The following NPEPPS variants were observed in gnomAD, a reference collection of about 807,000 sequenced individuals.
The protein encoded by NPEPPS is aminopeptidase puromycin sensitive.
A neutral mutation model predicts 115.5 loss-of-function variants in NPEPPS; 14 were observed. The observed-to-expected ratio is 0.12, with a 90% CI of 0.08 to 0.19. NPEPPS has a LOEUF of 0.19. Among genes scored for constraint, NPEPPS ranks in the 10% least tolerant of loss-of-function variants. The probability of loss-of-function intolerance (pLI) is 1.00; values close to 1 mark genes in which losing one functional copy is unlikely to be tolerated. For synonymous variants in NPEPPS, 285 were observed against 390.6 expected (o/e 0.73, Z 3.19); for missense variants, 523 against 1,110.8 (o/e 0.47, Z 7.52).
At chr17:47,550,096 A>G (rs549994326) in intron 2 of NPEPPS, among the ~76,000 whole-genome samples, 1 of 151,318 alleles carries the variant, frequency 6.6e-6, no homozygotes, top group East Asian at 2.0e-4. Flanking sequence ...TGCCACGCCC[A>G]GCTAATTTTT....
chr17:47,544,365 A>G (rs1909028609), intron 1 of NPEPPS, among the ~76,000 whole-genome samples: 1 of 152,114 alleles, frequency 6.6e-6, no homozygotes, highest in Admixed American at 6.6e-5. Flanking sequence ...AAGTTTTGAC[A>G]TAATTTATAG....
intron 3 of NPEPPS, among the ~76,000 whole-genome samples, chr17:47,572,866 C>T (rs1195541268): frequency 2.0e-5 from 3 of 152,148 alleles, no homozygotes; most frequent in Non-Finnish European, 2.9e-5. Flanking sequence ...GCCTCCACCT[C>T]GTGGGTTCCA....
At position 47,622,133 on chromosome 17, in the gene NPEPPS, A is replaced by G; in HGVS notation, c.*213A>G. The G allele has an allele frequency of 8.0e-7, 1 of 1,253,692 alleles. No individual in the cohort carries two copies. Among genetic ancestry groups the G allele is most frequent in the Non-Finnish European group, 1.0e-6 (1 of 989,400 alleles). 77.7% of individuals were successfully genotyped at this position (1,253,692 alleles called of 1,614,324 possible). On this transcript the variant is annotated 3_prime_UTR_variant, in exon 23 of 23. Transcript: ENST00000322157. ...GCAATTCAGCAAAAAATAAATAAAA[A>G]ATAAAAATGTAAATATGATAGTAAT...
At chr17:47,620,980 C>G (rs1169177211) in intron 22 of NPEPPS, among the ~76,000 whole-genome samples, 2 of 151,894 alleles carry the variant, frequency 1.3e-5, no homozygotes, top group Non-Finnish European at 1.5e-5. Flanking sequence ...TTCAAGAGTT[C>G]AAGACCAGTC....
intron 9 of NPEPPS, among the ~76,000 whole-genome samples, chr17:47,590,470 A>AG (rs1912434747): frequency 1.3e-5 from 2 of 148,918 alleles, no homozygotes; most frequent in South Asian, 4.3e-4. Flanking sequence ...AAAAAAAAAA[A>AG]GAAAAGAAAG....
intron 2 of NPEPPS, among the ~76,000 whole-genome samples, chr17:47,566,651 C>T (rs1321769265): frequency 6.6e-6 from 1 of 151,456 alleles, no homozygotes; most frequent in East Asian, 2.0e-4. Context: ...AGGCATGCAC[C>T]ACCACGCATG....
chr17:47,537,861 A>T (rs913801317), intron 1 of NPEPPS, among the ~76,000 whole-genome samples: 2 of 150,744 alleles, frequency 1.3e-5, no homozygotes, highest in African/African-American at 4.9e-5. Context: ...ACTATGTACT[A>T]TAATTTATCA....
intron 9 of NPEPPS, among the ~76,000 whole-genome samples, chr17:47,589,076 C>T (rs1912355506): frequency 6.6e-6 from 1 of 152,118 alleles, no homozygotes; most frequent in South Asian, 2.1e-4. Context: ...GCACCATGCC[C>T]AGCTAATTTT....
intron 2 of NPEPPS, among the ~76,000 whole-genome samples, chr17:47,565,962 A>G (rs1910784874): frequency 6.6e-6 from 1 of 152,192 alleles, no homozygotes; most frequent in South Asian, 2.1e-4. Context: ...CACCACCAGC[A>G]TGACTTCTAG....
chr17:47,524,463 A>G (rs1907343829), intron 1 of NPEPPS, among the ~76,000 whole-genome samples: 1 of 151,922 alleles, frequency 6.6e-6, no homozygotes, highest in African/African-American at 2.4e-5. Context: ...AGCTAGGACT[A>G]CAGGCATAGG....
At chr17:47,618,575 AG>A in intron 20 of NPEPPS, 118 bp downstream of exon 20, 1 of 673,056 alleles carries the variant, frequency 1.5e-6, no homozygotes, top group East Asian at 2.7e-5. Flanking sequence ...TTCCTTTTCC[AG>A]AGTAACTGGC....
chr17:47,550,229 A>G (rs370897600), intron 2 of NPEPPS, among the ~76,000 whole-genome samples: 11 of 151,870 alleles, frequency 7.2e-5, no homozygotes, highest in Admixed American at 1.3e-4. Flanking sequence ...CACCGTGCCT[A>G]GCCAATTGTT....
intron 19 of NPEPPS, among the ~76,000 whole-genome samples, chr17:47,615,080 T>C (rs2064906619): frequency 2.3e-5 from 1 of 44,046 alleles, no homozygotes; most frequent in African/African-American, 5.3e-5. Context: ...TTTCTTTTTT[T>C]TTTTTTTTTT....
At chr17:47,620,844 C>G (rs921003388) in intron 22 of NPEPPS, among the ~76,000 whole-genome samples, 1 of 152,066 alleles carries the variant, frequency 6.6e-6, no homozygotes, top group African/African-American at 2.4e-5. Context: ...AAAGTTTATT[C>G]AACTTTTAAT....
intron 14 of NPEPPS, among the ~76,000 whole-genome samples, chr17:47,600,008 C>G (rs1412754351): frequency 1.3e-5 from 2 of 152,050 alleles, no homozygotes; most frequent in African/African-American, 4.8e-5. Context: ...TTAGTAGAGA[C>G]AGGGTTTCAC....
rs140897963 is a variant in NPEPPS at position 47,614,871 on chromosome 17, C to A, written c.2295+1146C>A. ...CTACCTTTCATGGATTAACAACACT[C>A]TTCTGACTTACAGGGAGTTCATGAT... is the stretch of plus-strand genomic sequence containing the variant. On this transcript the variant is annotated intron_variant, in intron 19 of 22. Transcript: ENST00000322157. 2.6e-5 allele frequency among the ~76,000 whole-genome samples: 4 copies of A among 152,314 alleles called. No individual in the cohort carries two copies. The East Asian group carries it at 7.7e-4, about 29-fold the overall frequency.
intron 2 of NPEPPS, among the ~76,000 whole-genome samples, chr17:47,562,834 CT>C (rs1472867459): frequency 1.3e-5 from 2 of 149,168 alleles, no homozygotes; most frequent in Non-Finnish European, 3.0e-5. Context: ...TTTGTGTTTC[CT>C]TTTTCTGTAA....
intron 15 of NPEPPS, chr17:47,603,382 A>C (rs1913340011): frequency 6.6e-6 from 1 of 152,248 alleles, no homozygotes; most frequent in Non-Finnish European, 1.5e-5. Flanking sequence ...ACTCCCCTCC[A>C]GCCTGGGTGA....
chr17:47,549,905 C>T (rs373781391), intron 2 of NPEPPS, among the ~76,000 whole-genome samples: 3 of 149,918 alleles, frequency 2.0e-5, no homozygotes, highest in Non-Finnish European at 4.4e-5. Flanking sequence ...AAATTACTCT[C>T]AAGGCATGAA....
Sources: allele counts gnomAD v4.1 joint callset (sites outside exome capture counted in the v4.1 genomes callset), GRCh38; gene constraint gnomAD v4.1.1; transcripts MANE v1.5; gene names NCBI Gene and HGNC (gene_info 2026-07-23, HGNC 2026-07-21).